MED14: variants seen among roughly 807,000 people sequenced by gnomAD.
MED14 encodes mediator complex subunit 14, also known as mediator of RNA polymerase II transcription subunit 14.
A neutral mutation model predicts 109.0 loss-of-function variants in MED14; 8 were observed. The ratio of observed to expected loss-of-function variants is 0.07; its 90% confidence interval spans 0.04 to 0.13. The LOEUF (loss-of-function observed/expected upper bound fraction) is 0.13, where lower values mean the gene tolerates loss of function less well. MED14 is among the 10% of genes least tolerant of loss of function. The pLI, the probability that MED14 is intolerant of heterozygous loss-of-function variation, is 1.00. For synonymous variants in MED14, 399 were observed against 408.7 expected (o/e 0.98, Z 0.29); for missense variants, 711 against 1,142.4 (o/e 0.62, Z 5.44).
At chrX:40,724,359 T>C (rs1931830397) in intron 3 of MED14, among the ~76,000 whole-genome samples, 1 of 112,395 alleles carries the variant, frequency 8.9e-6, no homozygotes, top group African/African-American at 3.2e-5. Context: ...TATGGAACAT[T>C]TTATCCAAAG....
rs1229410485 is a variant in MED14 at position 40,692,297 on chromosome X, T to C, written c.1866A>G (p.Pro622=). ...AKRKLSDDPC[P]VESKKTKRAG... is the part of the protein sequence containing the mutation. The stretch of plus-strand genomic sequence containing the variant: ...CTCGTTTTGTTTTCTTGGATTCTAC[T>C]GGACATGGATCATCAGACAACTAGA... The change falls in exon 15 of 31, where the codon CCA becomes CCG. Residue 622 remains proline, a synonymous_variant. Transcript: ENST00000324817. 1.6e-5 allele frequency: 19 copies of C among 1,187,978 alleles called. No individual in the cohort carries two copies. Among genetic ancestry groups the C allele is most frequent in the Non-Finnish European group, 2.0e-5 (18 of 880,399 alleles).
intron 23 of MED14, among the ~76,000 whole-genome samples, 153 bp downstream of exon 23, chrX:40,671,708 A>G (rs1929736045): frequency 8.9e-6 from 1 of 112,231 alleles, no homozygotes; most frequent in African/African-American, 3.2e-5. Context: ...CAAACCTTCC[A>G]TAATAAATGA....
In MED14 at chrX:40,664,334, C is replaced by A; in HGVS notation, c.3421G>T (p.Ala1141Ser). 8.3e-7 allele frequency: 1 copy of A among 1,201,956 alleles called. No homozygotes were observed. The highest frequency in any genetic ancestry group is 1.8e-5 in the South Asian group (1 of 54,639). ...GTTCCAGCTCGAGGGGAATGAGAAG[C>A]ATCTGGAACCGGAGAATGTAGTGAG... ...NPSLHSPVPD[A>S]SHSPRAGTSS... The change falls in exon 25 of 31, where the codon GCT (alanine) becomes TCT (serine). Residue 1141 changes from alanine (A) to serine (S), a missense_variant. Physicochemically the swap from Ala to Ser is moderately conservative, Grantham distance 99. This residue lies in a region of MED14 where 100 missense variants were observed against 147.5 expected (regional missense o/e 0.68). Transcript: ENST00000324817.
chrX:40,696,943 G>C, intron 13 of MED14, 81 bp downstream of exon 13: 1 of 854,378 alleles, frequency 1.2e-6, no homozygotes, highest in Non-Finnish European at 1.7e-6. Context: ...AAATTCATTG[G>C]CAAGTTAAAC....
intron 3 of MED14, among the ~76,000 whole-genome samples, chrX:40,722,133 C>A (rs781347541): frequency 8.9e-6 from 1 of 111,949 alleles, no homozygotes; most frequent in South Asian, 3.7e-4. Flanking sequence ...GGAACTAATC[C>A]AGGAGAAACA....
At chrX:40,692,615 G>T in intron 14 of MED14, 93 bp downstream of exon 14, 1 of 884,108 alleles carries the variant, frequency 1.1e-6, no homozygotes, top group Non-Finnish European at 1.6e-6. Context: ...CTTAAAAACT[G>T]TATCTTAGTT....
intron 13 of MED14, among the ~76,000 whole-genome samples, chrX:40,693,867 C>T (rs1190630742): frequency 9.0e-6 from 1 of 111,199 alleles, no homozygotes; most frequent in African/African-American, 3.3e-5. Flanking sequence ...CAGATGCTAA[C>T]ATATTTAATC....
chrX:40,735,407 G>C lies in MED14; in HGVS notation c.6C>G (p.Ala2=). 2 of 1,107,658 alleles carry C rather than the reference G, an allele frequency of 1.8e-6. No homozygotes were observed. The allele number at this position is 1,107,658 out of a possible 1,213,427, so 91.3% of individuals were successfully genotyped here. A position where few individuals can be genotyped will look rare whatever the true frequency, so the allele number is the denominator to read the frequency against. The change falls in exon 1 of 31, where the codon GCC becomes GCG. Residue 2 remains alanine (A), a synonymous_variant. Coordinates refer to ENST00000324817, the MANE Select transcript of MED14 (RefSeq NM_004229.4). The part of the protein sequence containing the change: M[A]PVQLENHQLV... ...GCTGGTGGTTCTCCAGCTGCACTGG[G>C]GCCATGGCGGCGCAGGACCGGGCTT...
intron 26 of MED14, among the ~76,000 whole-genome samples, chrX:40,661,368 C>G (rs773166696): frequency 9.2e-6 from 1 of 108,256 alleles, no homozygotes; most frequent in South Asian, 3.7e-4. Context: ...AGGCATGAGC[C>G]ACCACGCCTG....
At chrX:40,734,718 TCAAA>T (rs1295701274) in intron 1 of MED14, among the ~76,000 whole-genome samples, 2 of 112,528 alleles carry the variant, frequency 1.8e-5, no homozygotes, top group East Asian at 2.8e-4. Flanking sequence ...CATTAAGACC[TCAAA>T]CACTCAAAAG....
At chrX:40,655,624 A>G (rs894726169) in intron 28 of MED14, among the ~76,000 whole-genome samples, 8 of 112,390 alleles carry the variant, frequency 7.1e-5, no homozygotes, top group African/African-American at 2.6e-4. Context: ...CTTTGCCTAA[A>G]CAAACTAGTC....
chrX:40,693,156 T>C (rs1454880936), intron 13 of MED14, among the ~76,000 whole-genome samples: 1 of 111,976 alleles, frequency 8.9e-6, no homozygotes, highest in African/African-American at 3.2e-5. Context: ...GCATTTAAAC[T>C]ATTATGTATT....
rs750783651 is a variant in MED14, at chrX:40,730,814, A to G, written c.216-1469T>C. Among the ~76,000 whole-genome samples, 5 of 101,919 alleles carry G rather than the reference A, an allele frequency of 4.9e-5. No individual in the cohort carries two copies. In the South Asian group the frequency reaches 2.4e-3, roughly 50 times the overall value. The allele number at this position is 101,919 out of a possible 115,157, so 88.5% of individuals were successfully genotyped here. A position where few individuals can be genotyped will look rare whatever the true frequency, so the allele number is the denominator to read the frequency against. Reference sequence around the variant, plus strand: ...AAGATTACATGACTGAGATCCTGGCATTTTCTGAATTAAAAGAAGTTTAAA... The same window carrying G: ...AAGATTACATGACTGAGATCCTGGCGTTTTCTGAATTAAAAGAAGTTTAAA... On this transcript the variant is annotated intron_variant, in intron 1 of 30. Coordinates refer to ENST00000324817, the MANE Select transcript of MED14 (RefSeq NM_004229.4).
At position 40,678,521 on chromosome X, in the gene MED14, A is replaced by G. The variant is rs73471354; in HGVS notation, c.2880+1343T>C. ...GAAAAATAATCTAATCAAAATTGCTACCTAACCATGTTACAAAGATAGGAG... is the reference window on the plus strand; with the variant it reads ...GAAAAATAATCTAATCAAAATTGCTGCCTAACCATGTTACAAAGATAGGAG... On this transcript the variant is annotated intron_variant, in intron 21 of 30. Transcript: ENST00000324817. Among the ~76,000 whole-genome samples, 723 of 111,501 alleles carry G rather than the reference A, an allele frequency of 6.5e-3. 4 individuals carry two copies. The highest frequency in any genetic ancestry group is 0.023 in the African/African-American group (693 of 30,619).
chrX:40,708,476 T>C (rs576108473), intron 10 of MED14, among the ~76,000 whole-genome samples: 108 of 112,315 alleles, frequency 9.6e-4, no homozygotes, highest in East Asian at 2.2e-3. Flanking sequence ...GTATAATGGA[T>C]TGAGCTGAGC....
At chrX:40,682,044 C>T (rs1036494624) in intron 18 of MED14, 101 bp from the exon 19 acceptor site, 41 of 381,261 alleles carry the variant, frequency 1.1e-4, no homozygotes, top group African/African-American at 9.1e-4. Context: ...TATGCCCAGA[C>T]AGGTCTCTAG....
In MED14 at chrX:40,735,435, C is replaced by T; in HGVS notation, c.-23G>A. On this transcript the variant is annotated 5_prime_UTR_variant, in exon 1 of 31. Transcript: ENST00000324817. ...CATGGCGGCGCAGGACCGGGCTTGG[C>T]GCAACGGCACACGATGCGGTCCTCG... 9.0e-7 allele frequency: 1 copy of T among 1,110,725 alleles called. No individual in the cohort carries two copies. The highest frequency in any genetic ancestry group is 2.1e-5 in the South Asian group (1 of 48,361). 91.5% of individuals were successfully genotyped at this position (1,110,725 alleles called of 1,213,427 possible).
intron 3 of MED14, among the ~76,000 whole-genome samples, chrX:40,720,419 C>T (rs1211678422): frequency 8.9e-6 from 1 of 112,211 alleles, no homozygotes; most frequent in Non-Finnish European, 1.9e-5. Context: ...TAGTGGAGAG[C>T]AAAGCTGTGC....
intron 12 of MED14, among the ~76,000 whole-genome samples, chrX:40,698,482 C>A (rs1405073451): frequency 8.9e-6 from 1 of 112,166 alleles, no homozygotes; most frequent in Admixed American, 9.4e-5. Flanking sequence ...GAAAAATGTA[C>A]ACAGTTTCTA....
Sources: allele counts gnomAD v4.1 joint callset (sites outside exome capture counted in the v4.1 genomes callset), GRCh38; gene constraint gnomAD v4.1.1; regional missense constraint gnomAD v4.1.1; transcripts MANE v1.5; gene names NCBI Gene and HGNC (gene_info 2026-07-23, HGNC 2026-07-21).